The following GRM5 variants were observed in gnomAD, a reference collection of about 807,000 sequenced individuals.
The protein encoded by GRM5 is glutamate metabotropic receptor 5.
In GRM5, 19 loss-of-function variants were observed where a neutral mutation model predicts 83.1. The ratio of observed to expected loss-of-function variants is 0.23; its 90% CI spans 0.16 to 0.34. GRM5 has a LOEUF of 0.34. GRM5 is among the 10% of genes least tolerant of loss of function. GRM5 has a pLI of 1.00. For missense variants in GRM5, 1,160 were observed against 1,588.3 expected (o/e 0.73, Z 4.58); for synonymous variants, 675 against 633.6 (o/e 1.07, Z -0.98).
chr11:88,562,697 GACT>G (rs1178428945), intron 8 of GRM5, among the ~76,000 whole-genome samples: 4 of 151,732 alleles, frequency 2.6e-5, no homozygotes, highest in Admixed American at 2.6e-4. Context: ...CTACCACCGT[GACT>G]ACTACTAGGT....
At chr11:88,811,119 A>C (rs1316168510) in intron 3 of GRM5, among the ~76,000 whole-genome samples, 1 of 151,956 alleles carries the variant, frequency 6.6e-6, no homozygotes, top group Non-Finnish European at 1.5e-5. Context: ...TTCCATTCTC[A>C]AGATGCTATG....
At chr11:89,059,237 C>T (rs1056427737) in intron 1 of GRM5, among the ~76,000 whole-genome samples, 1 of 152,102 alleles carries the variant, frequency 6.6e-6, no homozygotes, top group South Asian at 2.1e-4. Flanking sequence ...ATAATATATA[C>T]AGAAAATATA....
intron 3 of GRM5, among the ~76,000 whole-genome samples, chr11:88,736,825 C>CTGTT (rs566997631): frequency 6.6e-6 from 1 of 152,022 alleles, no homozygotes; most frequent in East Asian, 1.9e-4. Context: ...GGACACTGAA[C>CTGTT]TGTTTATCAA....
chr11:88,753,203 C>T (rs1234340546), intron 3 of GRM5, among the ~76,000 whole-genome samples: 2 of 152,044 alleles, frequency 1.3e-5, no homozygotes, highest in Non-Finnish European at 2.9e-5. Flanking sequence ...GCAATCTATC[C>T]ATCTGACAAA....
intron 2 of GRM5, among the ~76,000 whole-genome samples, chr11:89,001,160 A>C (rs1211031577): frequency 6.6e-6 from 1 of 152,104 alleles, no homozygotes; most frequent in Admixed American, 6.6e-5. Flanking sequence ...CTTGGTGGAA[A>C]AAAAAATTGC....
At chr11:88,891,919 A>C (rs1945151558) in intron 2 of GRM5, among the ~76,000 whole-genome samples, 1 of 152,058 alleles carries the variant, frequency 6.6e-6, no homozygotes, top group South Asian at 2.1e-4. Context: ...CAGAAAGCTA[A>C]AGCAATCTTT....
chr11:88,600,488 A>G (rs1591373941), intron 5 of GRM5, among the ~76,000 whole-genome samples: 1 of 151,870 alleles, frequency 6.6e-6, no homozygotes. Context: ...CTCTTCCTTA[A>G]CCAGCCAAAA....
At chr11:88,719,440 C>G (rs532462443) in intron 3 of GRM5, among the ~76,000 whole-genome samples, 5 of 152,060 alleles carry the variant, frequency 3.3e-5, no homozygotes, top group Non-Finnish European at 7.4e-5. Context: ...ATATGTATCA[C>G]ATTTTCTTCA....
rs547753854 is a variant in GRM5 at position 88,750,996 on chromosome 11, A to G, written c.912-97593T>C. Among the ~76,000 whole-genome samples the G allele has an allele frequency of 5.3e-5, 8 of 151,612 alleles. No individual in the cohort carries two copies. The East Asian group carries it at 1.6e-3, about 29-fold the overall frequency. On this transcript the variant is annotated intron_variant, in intron 3 of 9. Coordinates refer to ENST00000305447, the MANE Select transcript of GRM5 (RefSeq NM_001143831.3). Reference sequence around the variant, plus strand: ...AGTTAGAAACTTCACATCTCAACTAAAAGAACTAGAGAAACAAGAGGAAAG... The same window carrying G: ...AGTTAGAAACTTCACATCTCAACTAGAAGAACTAGAGAAACAAGAGGAAAG...
intron 3 of GRM5, among the ~76,000 whole-genome samples, chr11:88,840,650 A>G (rs905010493): frequency 6.6e-6 from 1 of 152,168 alleles, no homozygotes; most frequent in African/African-American, 2.4e-5. Context: ...TCAGTGGTAT[A>G]ATTTTTCCAG....
chr11:88,889,459 G>A (rs549724701), intron 2 of GRM5, among the ~76,000 whole-genome samples: 2 of 152,162 alleles, frequency 1.3e-5, no homozygotes, highest in South Asian at 4.1e-4. Flanking sequence ...AAAACACCTT[G>A]TACACTCACT....
intron 3 of GRM5, among the ~76,000 whole-genome samples, chr11:88,722,144 T>TAACA (rs1287441464): frequency 2.0e-5 from 3 of 152,180 alleles, no homozygotes; most frequent in African/African-American, 4.8e-5. Flanking sequence ...TGAGAATTAC[T>TAACA]AACAATTAAC....
chr11:88,728,015 A>C (rs1183527098), intron 3 of GRM5, among the ~76,000 whole-genome samples: 1 of 152,190 alleles, frequency 6.6e-6, no homozygotes, highest in African/African-American at 2.4e-5. Context: ...AAGACAAGAA[A>C]TAACTTAGAT....
chr11:88,705,676 T>G (rs1427330982), intron 3 of GRM5, among the ~76,000 whole-genome samples: 1 of 151,856 alleles, frequency 6.6e-6, no homozygotes, highest in Non-Finnish European at 1.5e-5. Context: ...CTCTGCTTTC[T>G]GCTAATCTCA....
At chr11:89,045,989 T>G (rs1314841700) in intron 2 of GRM5, among the ~76,000 whole-genome samples, 1 of 152,186 alleles carries the variant, frequency 6.6e-6, no homozygotes. Context: ...GGTGATTTTT[T>G]TCTCCATCAA....
intron 2 of GRM5, among the ~76,000 whole-genome samples, chr11:88,892,224 GA>G (rs1280334648): frequency 2.7e-5 from 4 of 150,788 alleles, no homozygotes; most frequent in African/African-American, 4.9e-5. Context: ...GCTTTGACAG[GA>G]AGTGTATGCT....
In GRM5 at chr11:88,509,303, G is replaced by T. The variant is rs2135073383; in HGVS notation, c.2928C>A (p.Ala976=). 6.5e-7 allele frequency: 1 copy of T among 1,546,392 alleles called. No individual in the cohort carries two copies. Among genetic ancestry groups the T allele is most frequent in the African/African-American group, 1.4e-5 (1 of 70,998 alleles). The change falls in exon 10 of 10, where the codon GCC becomes GCA. Residue 976 remains alanine, a synonymous_variant. Transcript: ENST00000305447. ...CGCCTGCGCAGCCCGCACCGCCCGT[G>T]GCCCCCACGCCCCCAGCGCTCCCGC... ...GAGGSAGGVG[A]TGGAGCAGAG...
chr11:88,681,565 C>CTTTTTTTTATTT (rs1940488972), intron 3 of GRM5, among the ~76,000 whole-genome samples: 4 of 25,402 alleles, frequency 1.6e-4, no homozygotes. Flanking sequence ...TGAGTTCTTC[C>CTTTTTTTTATTT]TTTTTTTTTT....
chr11:88,997,730 A>G (rs1041092188), intron 2 of GRM5, among the ~76,000 whole-genome samples: 1 of 152,160 alleles, frequency 6.6e-6, no homozygotes, highest in Non-Finnish European at 1.5e-5. Context: ...TGAAATGCAT[A>G]GACAATCACA....
Sources: allele counts gnomAD v4.1 joint callset (sites outside exome capture counted in the v4.1 genomes callset), GRCh38; gene constraint gnomAD v4.1.1; transcripts MANE v1.5; gene names NCBI Gene and HGNC (gene_info 2026-07-23, HGNC 2026-07-21).